ACAP2: variants seen among roughly 807,000 people sequenced by gnomAD.
ACAP2 encodes the protein ArfGAP with coiled-coil, ankyrin repeat and PH domains 2, also known as arf-GAP with coiled-coil, ANK repeat and PH domain-containing protein 2.
In ACAP2, 39 loss-of-function variants were observed where a neutral mutation model predicts 115.8. The ratio of observed to expected loss-of-function variants is 0.34; its 90% CI spans 0.26 to 0.44. ACAP2 has a LOEUF of 0.44. Among genes scored for constraint, ACAP2 ranks in the 20% least tolerant of loss-of-function variants. The probability of loss-of-function intolerance (pLI) is 1.00; values close to 1 mark genes in which losing one functional copy is unlikely to be tolerated. For missense variants in ACAP2, 662 were observed against 927.6 expected (o/e 0.71, Z 3.72); for synonymous variants, 289 against 315.8 (o/e 0.92, Z 0.90).
chr3:195,332,806 C>T (rs144932217), intron 8 of ACAP2, among the ~76,000 whole-genome samples: 1,708 of 152,290 alleles, frequency 0.011, 13 homozygotes, highest in Non-Finnish European at 0.018. Context: ...AGATGCCTTG[C>T]TTTCCCTTTG....
chr3:195,301,667 C>A (rs1351678371), intron 14 of ACAP2, 23 bp from the exon 15 acceptor site: 2 of 1,591,734 alleles, frequency 1.3e-6, no homozygotes, highest in South Asian at 2.3e-5. Flanking sequence ...AAGAAGACTG[C>A]ATTACTATCA....
intron 4 of ACAP2, among the ~76,000 whole-genome samples, chr3:195,345,850 AT>A (rs1731158404): frequency 6.6e-6 from 1 of 152,142 alleles, no homozygotes; most frequent in Non-Finnish European, 1.5e-5. Context: ...CAAGAGTAAA[AT>A]TTTATTCCTC....
chr3:195,295,471 G>T, intron 17 of ACAP2: 1 of 575,812 alleles, frequency 1.7e-6, no homozygotes, highest in Non-Finnish European at 3.0e-6. Flanking sequence ...ATCTCCCCTT[G>T]CATTTTAAGC....
chr3:195,402,365 C>T (rs575998521), intron 1 of ACAP2, among the ~76,000 whole-genome samples: 2 of 151,858 alleles, frequency 1.3e-5, no homozygotes, highest in East Asian at 3.9e-4. Flanking sequence ...CCCTCTCCAG[C>T]CTTATATAAA....
chr3:195,385,743 G>A (rs1250628607), intron 2 of ACAP2, among the ~76,000 whole-genome samples: 2 of 152,124 alleles, frequency 1.3e-5, no homozygotes, highest in Non-Finnish European at 2.9e-5. Flanking sequence ...AAGAATTCCA[G>A]GAATGTGTAG....
Position 195,402,245 on chromosome 3 carries a change from C to T in ACAP2, c.54-10098G>A, listed in dbSNP as rs553127442. 2.0e-5 allele frequency among the ~76,000 whole-genome samples: 3 copies of T among 152,188 alleles called. 1 individual carries two copies. The highest frequency in any genetic ancestry group is 4.1e-4 in the South Asian group (2 of 4,824). ...GCATTTAAAACAACTCTGTTATTTG[C>T]GGCCTGGGGTCACGCAAAATGGTGA... is the stretch of plus-strand genomic sequence containing the variant. On this transcript the variant is annotated intron_variant, in intron 1 of 22. Coordinates refer to ENST00000326793, the MANE Select transcript of ACAP2 (RefSeq NM_012287.6).
At position 195,405,685 on chromosome 3, in the gene ACAP2, C is replaced by CAA. The variant is rs879358608; in HGVS notation, c.54-13540_54-13539dup. 5.7e-5 allele frequency among the ~76,000 whole-genome samples: 7 copies of CAA among 122,220 alleles called. No individual in the cohort carries two copies. In the South Asian group the frequency reaches 1.0e-3, roughly 18 times the overall value. 80.2% of individuals were successfully genotyped at this position (122,220 alleles called of 152,430 possible). On this transcript the variant is annotated intron_variant, in intron 1 of 22. Transcript: ENST00000326793. ...TAGGCAACAGAGTGAGACTCCATCT[C>CAA]AAAAAAAAAAAAAAGTATCTGAGAC...
intron 1 of ACAP2, among the ~76,000 whole-genome samples, chr3:195,417,078 ATTTTTTTTTTT>A (rs11293878): frequency 9.1e-6 from 1 of 109,548 alleles, no homozygotes; most frequent in South Asian, 3.3e-4. Flanking sequence ...TGCCTGGCTA[ATTTTTTTTTTT>A]TTTTTTTTTT....
chr3:195,428,777 T>G (rs1480305747), intron 1 of ACAP2, among the ~76,000 whole-genome samples: 1 of 152,044 alleles, frequency 6.6e-6, no homozygotes, highest in Non-Finnish European at 1.5e-5. Flanking sequence ...TATCAAAAGG[T>G]GATATTACCA....
chr3:195,333,837 C>T (rs539013780), intron 7 of ACAP2, among the ~76,000 whole-genome samples: 9 of 152,240 alleles, frequency 5.9e-5, no homozygotes, highest in East Asian at 1.9e-4. Context: ...AAAACACAAA[C>T]GCTTTACAAT....
intron 1 of ACAP2, among the ~76,000 whole-genome samples, chr3:195,396,800 A>AG (rs1711822939): frequency 1.3e-5 from 2 of 150,228 alleles, no homozygotes; most frequent in African/African-American, 2.4e-5. Flanking sequence ...AAAGAAAAAA[A>AG]AAAAAAAAAA....
intron 4 of ACAP2, among the ~76,000 whole-genome samples, chr3:195,351,926 G>A (rs1731637707): frequency 6.6e-6 from 1 of 152,144 alleles, no homozygotes; most frequent in Non-Finnish European, 1.5e-5. Context: ...CTGAGCATGT[G>A]GAACCCCTGC....
In ACAP2 at chr3:195,320,745, T is replaced by C; in HGVS notation, c.813A>G (p.Gly271=). The change falls in exon 10 of 23, where the codon GGA becomes GGG. Residue 271 remains glycine (G), a synonymous_variant. Transcript: ENST00000326793. ...VDAANGIVME[G]YLFKRASNAF... is the part of the protein sequence containing the mutation. ...CATTGCTGGCTCGTTTGAACAGATA[T>C]CCTTCCATAACTATGCCATTTGCAG... The C allele has an allele frequency of 6.2e-7, 1 of 1,613,742 alleles. No homozygotes were observed. The highest frequency in any genetic ancestry group is 8.5e-7 in the Non-Finnish European group (1 of 1,179,758).
At chr3:195,406,927 CAGAT>C (rs1224504788) in intron 1 of ACAP2, among the ~76,000 whole-genome samples, 5 of 152,150 alleles carry the variant, frequency 3.3e-5, no homozygotes, top group African/African-American at 9.6e-5. Context: ...TTTTTGCAGA[CAGAT>C]AGATTGGCTT....
At chr3:195,404,392 T>C (rs1656592064) in intron 1 of ACAP2, among the ~76,000 whole-genome samples, 1 of 152,202 alleles carries the variant, frequency 6.6e-6, no homozygotes, top group African/African-American at 2.4e-5. Context: ...ACCAAAAATG[T>C]GCTTCTAAGG....
Position 195,443,002 on chromosome 3 carries a change from G to C in ACAP2, c.-155C>G, listed in dbSNP as rs1007909375. 6.9e-6 allele frequency: 4 copies of C among 579,236 alleles called. No homozygotes were observed. Among genetic ancestry groups the C allele is most frequent in the Non-Finnish European group, 1.1e-5 (4 of 354,004 alleles). The allele number at this position is 579,236 out of a possible 1,614,324, so 35.9% of individuals were successfully genotyped here. ...GCCCGCTGGTCATAGCAGCCGCGAA[G>C]ACGGCGACGACTAGTCAGGCCCCAG... On this transcript the variant is annotated 5_prime_UTR_variant, in exon 1 of 23. Transcript: ENST00000326793.
chr3:195,351,171 G>A (rs1006798451), intron 4 of ACAP2, among the ~76,000 whole-genome samples: 7 of 149,400 alleles, frequency 4.7e-5, no homozygotes, highest in East Asian at 2.0e-4. Flanking sequence ...AGGCTGGAGT[G>A]CAGTGGTGTG....
At chr3:195,299,739 G>A (rs1208798703) in intron 15 of ACAP2, among the ~76,000 whole-genome samples, 1 of 152,118 alleles carries the variant, frequency 6.6e-6, no homozygotes, top group Non-Finnish European at 1.5e-5. Flanking sequence ...TCAGGAGGCT[G>A]AGGGAGGAGA....
At chr3:195,335,132 G>A (rs1009954877) in intron 7 of ACAP2, among the ~76,000 whole-genome samples, 37 of 152,172 alleles carry the variant, frequency 2.4e-4, no homozygotes, top group African/African-American at 8.7e-4. Context: ...AAATTTCTGT[G>A]TTTATAAATA....
Sources: gnomAD v4.1 joint callset for allele counts (sites outside exome capture counted in the v4.1 genomes callset) on GRCh38, gnomAD v4.1.1 for gene constraint, MANE v1.5 for transcripts, NCBI Gene and HGNC (gene_info 2026-07-23, HGNC 2026-07-21) for gene names.